NTRK3: variants seen among roughly 807,000 people sequenced by gnomAD.
NTRK3 encodes the protein NT-3 growth factor receptor.
A neutral mutation model predicts 91.7 loss-of-function variants in NTRK3; 24 were observed. The observed-to-expected ratio is 0.26, with a 90% CI of 0.19 to 0.37. The LOEUF is 0.37. Ranked by LOEUF, NTRK3 falls within the 10% of genes least tolerant of loss-of-function variation. The pLI is 1.00. For synonymous variants in NTRK3, 483 were observed against 404.0 expected (o/e 1.20, Z -2.34); for missense variants, 880 against 1,068.9 (o/e 0.82, Z 2.46).
At chr15:88,019,123 C>G (rs2077432165) in intron 14 of NTRK3, among the ~76,000 whole-genome samples, 1 of 152,120 alleles carries the variant, frequency 6.6e-6, no homozygotes, top group African/African-American at 2.4e-5. Context: ...GTTTACCAGA[C>G]CAGAACAGTG....
intron 17 of NTRK3, chr15:87,928,262 AG>A (rs1306588205): frequency 1.3e-5 from 2 of 152,176 alleles, no homozygotes; most frequent in Non-Finnish European, 2.9e-5. Flanking sequence ...TACAGGCATG[AG>A]CCACCACTCC....
chr15:88,235,606 A>T lies in NTRK3; in HGVS notation c.248+20300T>A, dbSNP rs1031537810. Among the ~76,000 whole-genome samples, 2 of 152,098 alleles carry T rather than the reference A, an allele frequency of 1.3e-5. No homozygotes were observed. The highest frequency in any genetic ancestry group is 4.8e-5 in the African/African-American group (2 of 41,412). On this transcript the variant is annotated intron_variant, in intron 3 of 18. Coordinates refer to ENST00000394480, the Ensembl canonical transcript of NTRK3. This position sits in a 1 kb window ranked among gnomAD's most constrained non-coding sequence, Gnocchi z 5.2. Reference sequence around the variant, plus strand: ...GTGGATGGAGAACCCCAAGGAAACGACCCAGCCCTGCTAAAGAGCACCAAA... The same window carrying T: ...GTGGATGGAGAACCCCAAGGAAACGTCCCAGCCCTGCTAAAGAGCACCAAA...
At chr15:88,207,232 G>A (rs1714528757) in intron 3 of NTRK3, among the ~76,000 whole-genome samples, 1 of 152,114 alleles carries the variant, frequency 6.6e-6, no homozygotes, top group Non-Finnish European at 1.5e-5. Context: ...TGCCTCCAGC[G>A]AGTCCCCAGG....
At chr15:88,124,281 A>G (rs546317556) in intron 13 of NTRK3, among the ~76,000 whole-genome samples, 1 of 152,234 alleles carries the variant, frequency 6.6e-6, no homozygotes, top group Non-Finnish European at 1.5e-5. Context: ...TCCTGACCCA[A>G]CCAGGGCCAA....
intron 13 of NTRK3, among the ~76,000 whole-genome samples, chr15:88,122,650 T>G (rs1351032137): frequency 1.3e-5 from 2 of 152,220 alleles, no homozygotes; most frequent in Non-Finnish European, 2.9e-5. Context: ...TTCTGTATTT[T>G]TTTTATTTCT....
intron 6 of NTRK3, among the ~76,000 whole-genome samples, chr15:88,142,977 G>A (rs1262460897): frequency 5.9e-5 from 9 of 152,046 alleles, no homozygotes; most frequent in Admixed American, 2.0e-4. Context: ...CATTTTGGGG[G>A]GCCAAGGCGG....
exon 19 of NTRK3, chr15:87,868,815 T>C: frequency 4.5e-6 from 1 of 223,306 alleles, no homozygotes; most frequent in African/African-American, 2.2e-5. Context: ...CTACATCTTT[T>C]GTCCCAGTTG....
chr15:88,052,885 G>T (rs1025217823), intron 13 of NTRK3, among the ~76,000 whole-genome samples: 5 of 152,104 alleles, frequency 3.3e-5, no homozygotes, highest in African/African-American at 1.2e-4. Flanking sequence ...AAGAGAATTT[G>T]GGCCCAAGGG....
chr15:88,000,291 C>T (rs2076007781), intron 14 of NTRK3, among the ~76,000 whole-genome samples: 2 of 152,170 alleles, frequency 1.3e-5, no homozygotes, highest in African/African-American at 2.4e-5. Context: ...GGCCCCAGCC[C>T]CCTCCTCTGA....
chr15:88,106,162 C>A (rs925191330), intron 13 of NTRK3, among the ~76,000 whole-genome samples: 1 of 152,216 alleles, frequency 6.6e-6, no homozygotes, highest in East Asian at 1.9e-4. Context: ...CTCTGAAATG[C>A]CCCACAGTGG....
intron 3 of NTRK3, among the ~76,000 whole-genome samples, chr15:88,217,454 G>C (rs575696670): frequency 1.3e-5 from 2 of 152,296 alleles, no homozygotes; most frequent in Admixed American, 6.5e-5. Context: ...CTCTACAGTA[G>C]AGATGAACCT....
chr15:87,951,035 A>C (rs1596371421), intron 14 of NTRK3, among the ~76,000 whole-genome samples: 1 of 152,258 alleles, frequency 6.6e-6, no homozygotes, highest in African/African-American at 2.4e-5. Flanking sequence ...ATCCTCATAA[A>C]TGCATTAAAT....
intron 3 of NTRK3, chr15:88,209,941 A>G (rs2049101143): frequency 6.6e-6 from 1 of 152,352 alleles, no homozygotes; most frequent in Non-Finnish European, 1.5e-5. Context: ...AGCAGGCTAA[A>G]CATATCCCTC....
intron 17 of NTRK3, 142 bp from the exon 19 acceptor site, chr15:87,880,570 G>T (rs545024927): frequency 2.0e-6 from 2 of 1,016,552 alleles, no homozygotes; most frequent in African/African-American, 3.2e-5. Flanking sequence ...TCTATCAGAG[G>T]TGTGTGAAGA....
chr15:87,983,106 A>G (rs2074437501), intron 14 of NTRK3, among the ~76,000 whole-genome samples: 1 of 152,250 alleles, frequency 6.6e-6, no homozygotes, highest in African/African-American at 2.4e-5. Context: ...CTATAGAATT[A>G]TTTTCAAACA....
rs186717178 is a variant in NTRK3, at chr15:88,233,940, T to C, written c.248+21966A>G. Reference sequence around the variant, plus strand: ...GTTGAGTCCCACTAGACATGCGTTGTTTCCTCTTTAATATTTAAACATGTT... The same window carrying C: ...GTTGAGTCCCACTAGACATGCGTTGCTTCCTCTTTAATATTTAAACATGTT... On this transcript the variant is annotated intron_variant, in intron 3 of 18. Transcript: ENST00000394480. The surrounding 1 kb of genome is among the most constrained non-coding windows in gnomAD (Gnocchi z 4.2). Among the ~76,000 whole-genome samples the C allele has an allele frequency of 6.6e-6, 1 of 152,346 alleles. No individual in the cohort carries two copies. Among genetic ancestry groups the C allele is most frequent in the East Asian group, 1.9e-4 (1 of 5,188 alleles).
In NTRK3 at chr15:88,158,335, A is replaced by T. The variant is rs1317185090; in HGVS notation, c.396-10932T>A. Among the ~76,000 whole-genome samples the T allele has an allele frequency of 2.0e-5, 3 of 152,218 alleles. No homozygotes were observed. In the East Asian group the frequency reaches 5.8e-4, roughly 29 times the overall value. ...CTTGAATTCAGGCATCATTGTATTC[A>T]GTAAAGTCTGAGTTCACAAGGCAAT... On this transcript the variant is annotated intron_variant, in intron 5 of 18. Transcript: ENST00000394480.
intron 17 of NTRK3, among the ~76,000 whole-genome samples, chr15:87,886,797 T>C (rs1410372892): frequency 2.7e-5 from 4 of 148,032 alleles, no homozygotes; most frequent in South Asian, 2.1e-4. Context: ...GTGATAATCA[T>C]GTATCACACT....
chr15:87,908,460 C>G (rs887486359), intron 17 of NTRK3: 1 of 399,882 alleles, frequency 2.5e-6, no homozygotes, highest in African/African-American at 2.1e-5. Flanking sequence ...GCCCAGCCCC[C>G]TGGCCCCAGA....
Sources: allele counts gnomAD v4.1 joint callset (sites outside exome capture counted in the v4.1 genomes callset), GRCh38; gene constraint gnomAD v4.1.1; non-coding constraint Gnocchi (gnomAD v3.1); transcripts MANE v1.5; gene names NCBI Gene and HGNC (gene_info 2026-07-23, HGNC 2026-07-21).